FNIP1: variants seen among roughly 807,000 people sequenced by gnomAD.
FNIP1 encodes the protein folliculin-interacting protein 1.
FNIP1 carries 40 observed loss-of-function variants against 124.5 expected under a neutral mutation model. The observed-to-expected ratio is 0.32, with a 90% CI of 0.25 to 0.42. FNIP1 has a LOEUF of 0.42. Among genes scored for constraint, FNIP1 ranks in the 10% least tolerant of loss-of-function variants. The probability of loss-of-function intolerance (pLI) is 1.00; values close to 1 mark genes in which losing one functional copy is unlikely to be tolerated. For missense variants in FNIP1, 1,176 were observed against 1,403.7 expected (o/e 0.84, Z 2.59); for synonymous variants, 472 against 470.6 (o/e 1.00, Z -0.04).
intron 1 of FNIP1, among the ~76,000 whole-genome samples, chr5:131,788,088 A>G (rs1772276433): frequency 6.6e-6 from 1 of 152,188 alleles, no homozygotes; most frequent in Non-Finnish European, 1.5e-5. Context: ...GTATAAGGTG[A>G]TGACAGTGGA....
chr5:131,756,676 C>A (rs1334900445), intron 1 of FNIP1, among the ~76,000 whole-genome samples: 1 of 152,126 alleles, frequency 6.6e-6, no homozygotes, highest in Non-Finnish European at 1.5e-5. Flanking sequence ...GGTAAGTATG[C>A]AAGCTGGAGA....
intron 10 of FNIP1, among the ~76,000 whole-genome samples, chr5:131,699,989 C>CTT (rs202023474): frequency 1.6e-5 from 2 of 124,550 alleles, no homozygotes; most frequent in African/African-American, 2.8e-5. Flanking sequence ...GTAATATTTG[C>CTT]TTTTTTTTTT....
At chr5:131,666,924 C>T (rs1217966109) in intron 15 of FNIP1, among the ~76,000 whole-genome samples, 1 of 152,062 alleles carries the variant, frequency 6.6e-6, no homozygotes, top group Admixed American at 6.6e-5. Flanking sequence ...TAGGATCAGA[C>T]ATAAAGAAAG....
rs142258163 is a variant in FNIP1 at position 131,717,420 on chromosome 5, C to T, written c.531-764G>A. 3.1e-3 allele frequency among the ~76,000 whole-genome samples: 472 copies of T among 152,120 alleles called. 2 individuals carry two copies. Among genetic ancestry groups the T allele is most frequent in the African/African-American group, 0.01 (431 of 41,504 alleles). ...CATTTGGGTTGGTTCCAAGTCTTTG[C>T]GCCAAAAAATATTTACTATCTGGAT... On this transcript the variant is annotated intron_variant, in intron 5 of 17. Transcript: ENST00000510461.
chr5:131,788,198 C>A (rs570530425), intron 1 of FNIP1, among the ~76,000 whole-genome samples: 49 of 152,252 alleles, frequency 3.2e-4, no homozygotes, highest in South Asian at 2.7e-3. Flanking sequence ...ACAATGATCT[C>A]TGATTTTCAA....
At chr5:131,748,591 G>A (rs1580807871) in intron 1 of FNIP1, among the ~76,000 whole-genome samples, 1 of 151,480 alleles carries the variant, frequency 6.6e-6, no homozygotes, top group African/African-American at 2.4e-5. Flanking sequence ...CAGCTACTCA[G>A]GAGGCTGAGG....
chr5:131,796,871 G>T lies in FNIP1; in HGVS notation c.51C>A (p.Gly17=). The change falls in exon 1 of 18, where the codon GGC becomes GGA. Residue 17 remains glycine, a synonymous_variant. Transcript: ENST00000510461. ...QKLFSKRTGL[G]APGRDARDPD... ...GGTCCCGGGCGTCGCGGCCGGGCGCGCCCAGCCCGGTCCTCTTGCTGAAGA... is the reference window on the plus strand; with the variant it reads ...GGTCCCGGGCGTCGCGGCCGGGCGCTCCCAGCCCGGTCCTCTTGCTGAAGA... 6.2e-7 allele frequency: 1 copy of T among 1,607,938 alleles called. No homozygotes were observed. The highest frequency in any genetic ancestry group is 8.5e-7 in the Non-Finnish European group (1 of 1,177,892).
chr5:131,724,650 C>T (rs1177989536), intron 3 of FNIP1, among the ~76,000 whole-genome samples: 1 of 152,096 alleles, frequency 6.6e-6, no homozygotes, highest in Non-Finnish European at 1.5e-5. Context: ...TCCCATTCTG[C>T]AGGTTGCCTG....
At chr5:131,661,990 T>G (rs1767455026) in intron 15 of FNIP1, among the ~76,000 whole-genome samples, 1 of 152,204 alleles carries the variant, frequency 6.6e-6, no homozygotes, top group Admixed American at 6.5e-5. Flanking sequence ...CCCTCTAATC[T>G]TGTTTTACAT....
chr5:131,727,807 G>T (rs1244920823), intron 3 of FNIP1, among the ~76,000 whole-genome samples: 6 of 152,224 alleles, frequency 3.9e-5, no homozygotes, highest in Middle Eastern at 3.4e-3. Flanking sequence ...TTTTTGCAGT[G>T]GCTGTTACCG....
At chr5:131,664,957 T>TA (rs1767551616) in intron 15 of FNIP1, among the ~76,000 whole-genome samples, 1 of 149,796 alleles carries the variant, frequency 6.7e-6, no homozygotes, top group South Asian at 2.1e-4. Flanking sequence ...TATAAAATGA[T>TA]ATGCTTGTGT....
chr5:131,686,576 G>A (rs1367960589), intron 11 of FNIP1, among the ~76,000 whole-genome samples: 2 of 152,164 alleles, frequency 1.3e-5, no homozygotes, highest in Non-Finnish European at 2.9e-5. Flanking sequence ...TGGGTACACT[G>A]TAAGTGTAAT....
chr5:131,755,568 G>A (rs1771023078), intron 1 of FNIP1, among the ~76,000 whole-genome samples: 1 of 152,010 alleles, frequency 6.6e-6, no homozygotes, highest in Admixed American at 6.6e-5. Context: ...AAATAGAAAA[G>A]AATGTGAAGA....
rs1768279120 is a variant in FNIP1, at chr5:131,686,582, G to A, written c.1203-7407C>T. ...TAAATTTTGTGGGTACACTGTAAGT[G>A]TAATATAAATTATGGGGTACAATGT... On this transcript the variant is annotated intron_variant, in intron 11 of 17. Coordinates refer to ENST00000510461, the MANE Select transcript of FNIP1 (RefSeq NM_133372.3). 3.3e-5 allele frequency among the ~76,000 whole-genome samples: 5 copies of A among 152,276 alleles called. No individual in the cohort carries two copies. The South Asian group carries it at 1.0e-3, about 32-fold the overall frequency.
At chr5:131,771,693 G>A (rs114956089) in intron 1 of FNIP1, among the ~76,000 whole-genome samples, 2,689 of 152,114 alleles carry the variant, frequency 0.018, 53 homozygotes, top group African/African-American at 0.046. Flanking sequence ...CCCTCTCCAC[G>A]TCTACAGAGT....
At chr5:131,662,885 A>G (rs1767485087) in intron 15 of FNIP1, among the ~76,000 whole-genome samples, 1 of 151,946 alleles carries the variant, frequency 6.6e-6, no homozygotes, top group African/African-American at 2.4e-5. Context: ...GATTACAGGC[A>G]TGCGCCATTG....
At chr5:131,796,464 G>C (rs1772597134) in intron 1 of FNIP1, 1 of 248,566 alleles carries the variant, frequency 4.0e-6, no homozygotes, top group Non-Finnish European at 7.8e-6. Context: ...GGAGTACGGC[G>C]GCTGAGGTCC....
Position 131,644,640 on chromosome 5 carries a change from G to A in FNIP1, c.*45C>T. 3.9e-6 allele frequency: 6 copies of A among 1,537,316 alleles called. No homozygotes were observed. The highest frequency in any genetic ancestry group is 5.4e-6 in the Non-Finnish European group (6 of 1,111,606). The stretch of plus-strand genomic sequence containing the variant: ...AATGCATGTTGTGTCTGCTTCCTTG[G>A]TTTCTACCTATTTTCCCACCAATTT... On this transcript the variant is annotated 3_prime_UTR_variant, in exon 18 of 18. Transcript: ENST00000510461.
At chr5:131,750,528 A>G (rs567723351) in intron 1 of FNIP1, among the ~76,000 whole-genome samples, 2 of 152,296 alleles carry the variant, frequency 1.3e-5, no homozygotes, top group East Asian at 1.9e-4. Context: ...AATTAACTTG[A>G]TAACTTCAGG....
Sources: gnomAD v4.1 joint callset for allele counts (sites outside exome capture counted in the v4.1 genomes callset) on GRCh38, gnomAD v4.1.1 for gene constraint, MANE v1.5 for transcripts, NCBI Gene and HGNC (gene_info 2026-07-23, HGNC 2026-07-21) for gene names.